NEDD4: variants seen among roughly 807,000 people sequenced by gnomAD.
NEDD4 encodes NEDD4 E3 ubiquitin protein ligase, also known as E3 ubiquitin-protein ligase NEDD4.
A neutral mutation model predicts 144.9 loss-of-function variants in NEDD4; 99 were observed. The observed-to-expected ratio is 0.68, with a 90% confidence interval of 0.58 to 0.81. The LOEUF is 0.81. Ranked by LOEUF, NEDD4 falls within the 30% of genes least tolerant of loss-of-function variation. The pLI is 0.00. For synonymous variants in NEDD4, 318 were observed against 350.6 expected (o/e 0.91, Z 1.04); for missense variants, 985 against 1,065.9 (o/e 0.92, Z 1.06).
chr15:55,993,063 C>T (rs1258194780), intron 1 of NEDD4, among the ~76,000 whole-genome samples: 1 of 152,188 alleles, frequency 6.6e-6, no homozygotes. Flanking sequence ...CTCTCCAGAC[C>T]GAAGTCCGTA....
Position 55,829,827 on chromosome 15 carries a change from G to A in NEDD4, c.*70C>T, listed in dbSNP as rs2032858674. On this transcript the variant is annotated 3_prime_UTR_variant, in exon 29 of 29. Coordinates refer to ENST00000435532, the MANE Select transcript of NEDD4 (RefSeq NM_006154.4). The stretch of plus-strand genomic sequence containing the variant: ...GTGGCCACATTTTAGTAGTTCCCCG[G>A]AAAATTTTAAGTCAAGATTTTGGTT... 1 of 1,219,060 alleles carries A rather than the reference G, an allele frequency of 8.2e-7. No homozygotes were observed. The highest frequency in any genetic ancestry group is 2.3e-5 in the Admixed American group (1 of 43,512). 75.5% of individuals were successfully genotyped at this position (1,219,060 alleles called of 1,614,324 possible). A position where few individuals can be genotyped will look rare whatever the true frequency, so the allele number is the denominator to read the frequency against.
chr15:55,978,510 T>C (rs983176250), intron 1 of NEDD4, among the ~76,000 whole-genome samples: 12 of 152,204 alleles, frequency 7.9e-5, no homozygotes, highest in African/African-American at 2.9e-4. Context: ...GCTGCAACTA[T>C]AGAAAAATCT....
chr15:55,965,522 T>C (rs2037497572), intron 2 of NEDD4, among the ~76,000 whole-genome samples: 1 of 152,094 alleles, frequency 6.6e-6, no homozygotes, highest in South Asian at 2.1e-4. Context: ...TTCAGATGAG[T>C]TGCTGAGCTC....
At chr15:55,932,646 A>G (rs1315022042) in intron 4 of NEDD4, among the ~76,000 whole-genome samples, 5 of 152,246 alleles carry the variant, frequency 3.3e-5, no homozygotes, top group African/African-American at 1.2e-4. Context: ...AAGCAATGGC[A>G]ACAAAAGCCA....
intron 1 of NEDD4, among the ~76,000 whole-genome samples, chr15:55,974,116 G>A (rs1470697241): frequency 6.6e-6 from 1 of 152,040 alleles, no homozygotes; most frequent in Non-Finnish European, 1.5e-5. Context: ...AAACTCAAAG[G>A]ATCATTAGAG....
chr15:55,921,317 T>C (rs1182575442), intron 5 of NEDD4, among the ~76,000 whole-genome samples: 1 of 152,054 alleles, frequency 6.6e-6, no homozygotes, highest in Non-Finnish European at 1.5e-5. Flanking sequence ...TGTGGGGATC[T>C]ATAATAACTT....
chr15:55,977,721 G>C (rs2037729703), intron 1 of NEDD4, among the ~76,000 whole-genome samples: 1 of 151,024 alleles, frequency 6.6e-6, no homozygotes, highest in Non-Finnish European at 1.5e-5. Flanking sequence ...AAAAATGGGA[G>C]ATTTTATTTA....
At chr15:55,988,152 T>G (rs1207173049) in intron 1 of NEDD4, among the ~76,000 whole-genome samples, 58 of 136,270 alleles carry the variant, frequency 4.3e-4, no homozygotes, top group African/African-American at 1.6e-3. Context: ...CCATAAAAAA[T>G]GATGAGTTCA....
At chr15:55,977,806 A>C (rs1028795763) in intron 1 of NEDD4, among the ~76,000 whole-genome samples, 27 of 152,090 alleles carry the variant, frequency 1.8e-4, no homozygotes, top group Non-Finnish European at 3.2e-4. Context: ...GGCCAACTGA[A>C]ATATTCCATG....
chr15:55,932,644 G>T (rs1368738732), intron 4 of NEDD4, among the ~76,000 whole-genome samples: 1 of 151,946 alleles, frequency 6.6e-6, no homozygotes, highest in Non-Finnish European at 1.5e-5. Context: ...AAAAGCAATG[G>T]CAACAAAAGC....
chr15:55,894,714 A>G (rs191943437), intron 5 of NEDD4, among the ~76,000 whole-genome samples: 94 of 152,306 alleles, frequency 6.2e-4, no homozygotes, highest in African/African-American at 2.3e-3. Flanking sequence ...TGTCAAGTTT[A>G]TCTTTACATG....
intron 5 of NEDD4, chr15:55,916,261 T>A (rs371369154): frequency 6.2e-7 from 1 of 1,614,050 alleles, no homozygotes; most frequent in Non-Finnish European, 8.5e-7. Flanking sequence ...AAAGTATAAC[T>A]ACTACTGTCA....
Position 55,951,554 on chromosome 15 carries a change from A to G in NEDD4, c.155T>C (p.Met52Thr), listed in dbSNP as rs376502688. 21 of 1,530,854 alleles carry G rather than the reference A, an allele frequency of 1.4e-5. No homozygotes were observed. In the African/African-American group the frequency reaches 1.4e-4, roughly 10 times the overall value. The allele number at this position is 1,530,854 out of a possible 1,614,324, so 94.8% of individuals were successfully genotyped here. The change falls in exon 3 of 29, where the codon ATG (methionine) becomes ACG (threonine). Residue 52 changes from methionine (M) to threonine (T), a missense_variant. By Grantham distance (81) the Met-to-Thr change is moderately conservative. Transcript: ENST00000435532. ...TTGCACACTTGTAAGAACTCCATTC[A>G]TTGGGTCATATAACGTCACTCTCAC... The part of the protein sequence containing the change: ...PYVRVTLYDP[M>T]NGVLTSVQTK...
At chr15:55,966,623 T>A in intron 1 of NEDD4, 77 bp from the exon 2 acceptor site, 1 of 606,318 alleles carries the variant, frequency 1.6e-6, no homozygotes, top group Non-Finnish European at 2.7e-6. Flanking sequence ...AAAATATATA[T>A]CAAATAAAGT....
Position 55,863,033 on chromosome 15 carries a change from T to C in NEDD4, c.554A>G (p.Gln185Arg), listed in dbSNP as rs936356675. ...TAGAGGAGAAGGTTCTTGTTGTTGC[T>C]GCAAATGGCAAGCAGCATCTGGTTG... Reference protein sequence around the residue: ...LDQPDAACHLQQQQEPSPLPP... With the variant: ...LDQPDAACHLRQQQEPSPLPP... The change falls in exon 9 of 29, where the codon CAG (glutamine) becomes CGG (arginine). Residue 185 changes from glutamine to arginine, a missense_variant. Transcript: ENST00000435532. The C allele has an allele frequency of 6.9e-6, 11 of 1,604,392 alleles. No individual in the cohort carries two copies. Among genetic ancestry groups the C allele is most frequent in the Admixed American group, 1.7e-5 (1 of 59,730 alleles).
At chr15:55,834,885 C>A (rs1296985945) in intron 24 of NEDD4, among the ~76,000 whole-genome samples, 1 of 152,182 alleles carries the variant, frequency 6.6e-6, no homozygotes, top group Non-Finnish European at 1.5e-5. Flanking sequence ...ATCCCTGCGT[C>A]CCAACCATCA....
At chr15:55,935,471 G>C (rs138277608) in intron 4 of NEDD4, among the ~76,000 whole-genome samples, 2 of 152,168 alleles carry the variant, frequency 1.3e-5, no homozygotes, top group African/African-American at 4.8e-5. Flanking sequence ...AATGGGGTAG[G>C]AAATATGCAC....
intron 5 of NEDD4, chr15:55,916,422 T>C (rs757064359): frequency 6.2e-7 from 1 of 1,614,062 alleles, no homozygotes; most frequent in Non-Finnish European, 8.5e-7. Flanking sequence ...AAGGTGACCA[T>C]CATTCACAGC....
intron 18 of NEDD4, among the ~76,000 whole-genome samples, chr15:55,845,988 C>T (rs1395438604): frequency 2.0e-5 from 3 of 151,738 alleles, no homozygotes; most frequent in South Asian, 2.1e-4. Flanking sequence ...GGTTTCACCA[C>T]GTTGGCCAGG....
Sources: gnomAD v4.1 joint callset for allele counts (sites outside exome capture counted in the v4.1 genomes callset) on GRCh38, gnomAD v4.1.1 for gene constraint, MANE v1.5 for transcripts, NCBI Gene and HGNC (gene_info 2026-07-23, HGNC 2026-07-21) for gene names.